The following CHCHD3 variants were observed in gnomAD, a reference collection of about 807,000 sequenced individuals.
CHCHD3 encodes coiled-coil-helix-coiled-coil-helix domain containing 3.
A neutral mutation model predicts 38.2 loss-of-function variants in CHCHD3; 20 were observed. The observed-to-expected ratio is 0.52, with a 90% CI of 0.37 to 0.76. The LOEUF is 0.76. Ranked by LOEUF, CHCHD3 falls within the 30% of genes least tolerant of loss-of-function variation. The pLI, the probability that CHCHD3 is intolerant of heterozygous loss-of-function variation, is 0.00. For missense variants in CHCHD3, 245 were observed against 279.2 expected (o/e 0.88, Z 0.87); for synonymous variants, 82 against 100.0 (o/e 0.82, Z 1.07).
chr7:132,799,224 A>G (rs1219924328), intron 6 of CHCHD3, among the ~76,000 whole-genome samples: 3 of 152,078 alleles, frequency 2.0e-5, no homozygotes, highest in Non-Finnish European at 4.4e-5. Context: ...CTCTGTATTG[A>G]TCTGTAAAGC....
intron 6 of CHCHD3, among the ~76,000 whole-genome samples, chr7:132,829,648 T>C (rs1480530122): frequency 6.6e-6 from 1 of 152,148 alleles, no homozygotes; most frequent in Non-Finnish European, 1.5e-5. Flanking sequence ...AGAAGAATGC[T>C]CCAGGTCATG....
chr7:132,933,042 T>G (rs1810550998), intron 4 of CHCHD3, among the ~76,000 whole-genome samples: 1 of 152,198 alleles, frequency 6.6e-6, no homozygotes, highest in Non-Finnish European at 1.5e-5. Flanking sequence ...AGGGTCACCT[T>G]CAGATTCAGA....
chr7:132,870,117 A>T (rs1385585876), intron 5 of CHCHD3, among the ~76,000 whole-genome samples: 1 of 152,060 alleles, frequency 6.6e-6, no homozygotes, highest in African/African-American at 2.4e-5. Context: ...TTGGGAGGCC[A>T]AAGTGGGCAG....
intron 4 of CHCHD3, chr7:132,972,696 C>T (rs1312750413): frequency 1.0e-6 from 1 of 985,318 alleles, no homozygotes; most frequent in Non-Finnish European, 1.2e-6. Flanking sequence ...GGGACTCTCT[C>T]AATCAGCTGT....
chr7:132,996,032 T>A (rs1215181661), intron 3 of CHCHD3, among the ~76,000 whole-genome samples: 1 of 152,080 alleles, frequency 6.6e-6, no homozygotes, highest in East Asian at 1.9e-4. Context: ...TTACTCAAAA[T>A]CACATAGGAA....
intron 4 of CHCHD3, among the ~76,000 whole-genome samples, chr7:132,907,777 T>C (rs978581587): frequency 2.0e-5 from 3 of 152,158 alleles, no homozygotes; most frequent in Non-Finnish European, 4.4e-5. Flanking sequence ...AGGGAAACCA[T>C]TAAAGGGCCT....
At chr7:132,948,773 T>C (rs1338757324) in intron 4 of CHCHD3, among the ~76,000 whole-genome samples, 3 of 152,160 alleles carry the variant, frequency 2.0e-5, no homozygotes, top group South Asian at 2.1e-4. Flanking sequence ...TTTTCTGTAA[T>C]TAAAACGGCT....
chr7:132,820,512 G>C (rs1807334955), intron 6 of CHCHD3, among the ~76,000 whole-genome samples: 1 of 151,084 alleles, frequency 6.6e-6, no homozygotes, highest in Admixed American at 6.6e-5. Flanking sequence ...TCCTTTCATA[G>C]AAACAAGGCT....
intron 6 of CHCHD3, 143 bp downstream of exon 6, chr7:132,838,256 T>C (rs907448560): frequency 1.7e-5 from 9 of 527,646 alleles, no homozygotes; most frequent in South Asian, 3.3e-5. Context: ...GCAGATAACA[T>C]GGCCCCCATC....
intron 2 of CHCHD3, among the ~76,000 whole-genome samples, chr7:133,043,645 CAAA>C (rs765611377): frequency 1.0e-5 from 1 of 99,104 alleles, no homozygotes. Context: ...GACTCCATCT[CAAA>C]AAAAAAAAAA....
At chr7:133,020,664 T>C (rs1813153658) in intron 3 of CHCHD3, among the ~76,000 whole-genome samples, 1 of 152,214 alleles carries the variant, frequency 6.6e-6, no homozygotes, top group Non-Finnish European at 1.5e-5. Context: ...GCTGTTGTCA[T>C]TGCTTGCACA....
chr7:132,955,466 G>A (rs888945946), intron 4 of CHCHD3, among the ~76,000 whole-genome samples: 2 of 151,596 alleles, frequency 1.3e-5, no homozygotes, highest in African/African-American at 2.4e-5. Context: ...CCATCAACTA[G>A]ACTACGATAT....
chr7:132,953,587 C>T (rs1180230176), intron 4 of CHCHD3, among the ~76,000 whole-genome samples: 1 of 152,196 alleles, frequency 6.6e-6, no homozygotes, highest in Non-Finnish European at 1.5e-5. Context: ...TCCCTGCCAG[C>T]TATCCTGGAG....
At chr7:132,886,730 TAAAC>T (rs1809227286) in intron 4 of CHCHD3, among the ~76,000 whole-genome samples, 1 of 151,478 alleles carries the variant, frequency 6.6e-6, no homozygotes, top group Non-Finnish European at 1.5e-5. Context: ...TATCTTTTAA[TAAAC>T]AAAGTATATA....
intron 4 of CHCHD3, among the ~76,000 whole-genome samples, chr7:132,908,511 G>C (rs1014945522): frequency 2.0e-5 from 3 of 152,110 alleles, no homozygotes; most frequent in African/African-American, 7.2e-5. Flanking sequence ...CTTCTTATAA[G>C]TATCCTTTCA....
chr7:133,072,168 T>C (rs1340141095), intron 1 of CHCHD3, among the ~76,000 whole-genome samples: 1 of 117,630 alleles, frequency 8.5e-6, no homozygotes, highest in Non-Finnish European at 1.7e-5. Flanking sequence ...AGACCCTATC[T>C]AGAAAAAAAA....
At chr7:132,832,582 C>A in intron 6 of CHCHD3, among the ~76,000 whole-genome samples, 1 of 103,894 alleles carries the variant, frequency 9.6e-6, no homozygotes, top group Non-Finnish European at 2.1e-5. Context: ...TATCAATTGT[C>A]CTGTAAAATG....
chr7:133,049,245 T>A lies in CHCHD3; in HGVS notation c.169+20897A>T, dbSNP rs115116861. On this transcript the variant is annotated intron_variant, in intron 2 of 7. Coordinates refer to ENST00000262570, the MANE Select transcript of CHCHD3 (RefSeq NM_017812.4). The stretch of plus-strand genomic sequence containing the variant: ...TAATTTCCAAAACACAAGGACAATC[T>A]GTTATATAACTACAGCACCATGATC... 2.5e-3 allele frequency among the ~76,000 whole-genome samples: 379 copies of A among 152,308 alleles called. 1 individual carries two copies. Among genetic ancestry groups the A allele is most frequent in the African/African-American group, 8.7e-3 (362 of 41,582 alleles).
rs552373239 is a variant in CHCHD3 at position 133,060,933 on chromosome 7, A to C, written c.169+9209T>G. ...CTCAAAAATAAAAAAACTCAAAAGG[A>C]TAAGTCTGAGGATATACAAGAACTA... On this transcript the variant is annotated intron_variant, in intron 2 of 7. Coordinates refer to ENST00000262570, the MANE Select transcript of CHCHD3 (RefSeq NM_017812.4). Among the ~76,000 whole-genome samples the C allele has an allele frequency of 4.9e-4, 75 of 152,268 alleles. 1 individual carries two copies. The highest frequency in any genetic ancestry group is 3.4e-3 in the Middle Eastern group (1 of 294).
Sources: allele counts gnomAD v4.1 joint callset (sites outside exome capture counted in the v4.1 genomes callset), GRCh38; gene constraint gnomAD v4.1.1; transcripts MANE v1.5; gene names NCBI Gene and HGNC (gene_info 2026-07-23, HGNC 2026-07-21).